ROBO2: variants seen among roughly 807,000 people sequenced by gnomAD.
ROBO2 encodes roundabout guidance receptor 2, also known as roundabout homolog 2.
In ROBO2, 53 loss-of-function variants were observed where a neutral mutation model predicts 160.8. That is an observed-to-expected ratio of 0.33 (90% CI 0.26 to 0.41). ROBO2 has a LOEUF of 0.41. Among genes scored for constraint, ROBO2 ranks in the 10% least tolerant of loss-of-function variants. ROBO2 has a pLI of 1.00. For synonymous variants in ROBO2, 664 were observed against 611.7 expected (o/e 1.09, Z -1.26); for missense variants, 1,577 against 1,722.4 (o/e 0.92, Z 1.49).
At chr3:76,457,976 C>A (rs1390582886) in intron 2 of ROBO2, among the ~76,000 whole-genome samples, 1 of 152,080 alleles carries the variant, frequency 6.6e-6, no homozygotes, top group Non-Finnish European at 1.5e-5. Context: ...ACTTTTTCTT[C>A]CTGGGCCTCC....
intron 2 of ROBO2, among the ~76,000 whole-genome samples, chr3:76,191,698 C>T (rs969829199): frequency 6.6e-5 from 10 of 152,050 alleles, no homozygotes; most frequent in Non-Finnish European, 1.5e-4. Context: ...TTGGATTCTT[C>T]AACAGGATGA....
intron 2 of ROBO2, among the ~76,000 whole-genome samples, chr3:76,051,778 A>G (rs1416276259): frequency 6.6e-6 from 1 of 152,106 alleles, no homozygotes; most frequent in East Asian, 1.9e-4. Flanking sequence ...CTGTGACAAA[A>G]CATGACAAAT....
chr3:76,253,241 T>C (rs973517427), intron 2 of ROBO2, among the ~76,000 whole-genome samples: 2 of 152,048 alleles, frequency 1.3e-5, no homozygotes, highest in African/African-American at 4.8e-5. Flanking sequence ...TCTAATGTAA[T>C]GAATAGTATC....
chr3:76,134,299 A>G (rs1386288006), intron 2 of ROBO2, among the ~76,000 whole-genome samples: 1 of 151,790 alleles, frequency 6.6e-6, no homozygotes, highest in African/African-American at 2.4e-5. Flanking sequence ...TCTGATAACC[A>G]CCGTAAATAC....
At chr3:77,413,033 C>T (rs901720345) in intron 2 of ROBO2, among the ~76,000 whole-genome samples, 1 of 152,042 alleles carries the variant, frequency 6.6e-6, no homozygotes, top group African/African-American at 2.4e-5. Context: ...ATAGCACAAC[C>T]CCCATCTCTA....
At chr3:76,966,358 A>G (rs1347944834) in intron 2 of ROBO2, among the ~76,000 whole-genome samples, 3 of 152,176 alleles carry the variant, frequency 2.0e-5, no homozygotes, top group African/African-American at 7.2e-5. Flanking sequence ...TTTACCTGTT[A>G]TTTCATTTTT....
At chr3:77,396,000 T>C (rs1256664268) in intron 2 of ROBO2, among the ~76,000 whole-genome samples, 1 of 151,962 alleles carries the variant, frequency 6.6e-6, no homozygotes, top group Non-Finnish European at 1.5e-5. Flanking sequence ...CTTAATCTTT[T>C]TGATATCCAA....
chr3:77,545,505 G>T (rs952128912), intron 6 of ROBO2, among the ~76,000 whole-genome samples: 2 of 151,930 alleles, frequency 1.3e-5, no homozygotes, highest in East Asian at 1.9e-4. Context: ...TTCCACTGTG[G>T]TCTGAGATTA....
chr3:77,516,686 G>A (rs529625232), intron 5 of ROBO2, among the ~76,000 whole-genome samples: 1 of 151,522 alleles, frequency 6.6e-6, no homozygotes, highest in Non-Finnish European at 1.5e-5. Context: ...ATAGCTAGTA[G>A]CATTAACGAA....
intron 2 of ROBO2, among the ~76,000 whole-genome samples, chr3:77,301,292 T>C (rs2062636787): frequency 6.6e-6 from 1 of 152,132 alleles, no homozygotes; most frequent in South Asian, 2.1e-4. Context: ...ATATTATTAC[T>C]AATATTATTA....
At chr3:76,330,516 C>T (rs977673855) in intron 2 of ROBO2, among the ~76,000 whole-genome samples, 25 of 152,058 alleles carry the variant, frequency 1.6e-4, no homozygotes, top group Admixed American at 4.6e-4. Flanking sequence ...AGGAATTTTT[C>T]CCCCATTCTG....
chr3:76,148,682 A>G (rs1008486619), intron 2 of ROBO2, among the ~76,000 whole-genome samples: 3 of 151,992 alleles, frequency 2.0e-5, no homozygotes, highest in Admixed American at 2.0e-4. Flanking sequence ...CCTTATTGTA[A>G]TAAGAAAATT....
At chr3:76,062,085 C>A (rs573419544) in intron 2 of ROBO2, among the ~76,000 whole-genome samples, 1 of 152,078 alleles carries the variant, frequency 6.6e-6, no homozygotes, top group Non-Finnish European at 1.5e-5. Flanking sequence ...GGCTAGCAAC[C>A]TTAACTTTCC....
At chr3:77,345,815 T>A (rs1272721408) in intron 2 of ROBO2, among the ~76,000 whole-genome samples, 1 of 152,142 alleles carries the variant, frequency 6.6e-6, no homozygotes, top group African/African-American at 2.4e-5. Context: ...ACTCTTCAAT[T>A]TATTACTGTA....
At chr3:76,215,777 A>C (rs964825721) in intron 2 of ROBO2, among the ~76,000 whole-genome samples, 1 of 152,226 alleles carries the variant, frequency 6.6e-6, no homozygotes, top group East Asian at 1.9e-4. Context: ...CTAGCAAGGC[A>C]GGCCAACATT....
chr3:76,213,953 A>G (rs1043040908), intron 2 of ROBO2, among the ~76,000 whole-genome samples: 1 of 152,154 alleles, frequency 6.6e-6, no homozygotes, highest in Non-Finnish European at 1.5e-5. Flanking sequence ...AGATATACAT[A>G]AGAGGAGATG....
chr3:76,861,992 G>C (rs2070830542), intron 2 of ROBO2, among the ~76,000 whole-genome samples: 1 of 151,982 alleles, frequency 6.6e-6, no homozygotes, highest in African/African-American at 2.4e-5. Flanking sequence ...TTCTGAAATA[G>C]AGACCTCAAG....
rs561451672 is a variant in ROBO2 at position 76,908,092 on chromosome 3, G to A, written c.110-189922G>A. 9.9e-5 allele frequency among the ~76,000 whole-genome samples: 15 copies of A among 152,020 alleles called. No homozygotes were observed. In the South Asian group the frequency reaches 1.9e-3, roughly 19 times the overall value. The stretch of plus-strand genomic sequence containing the variant: ...TGACCTCAAGTGATCTGCCCGCCTC[G>A]GCTTCCCAAAGTGCTAGGATTACAG... On this transcript the variant is annotated intron_variant, in intron 2 of 26. Coordinates refer to the ROBO2 transcript ENST00000487694.
At chr3:76,313,897 G>A (rs191156080) in intron 2 of ROBO2, among the ~76,000 whole-genome samples, 28 of 152,168 alleles carry the variant, frequency 1.8e-4, no homozygotes, top group Non-Finnish European at 3.8e-4. Context: ...ATGGTTATTG[G>A]GGCAGGCTTG....
Sources: allele counts gnomAD v4.1 joint callset (sites outside exome capture counted in the v4.1 genomes callset), GRCh38; gene constraint gnomAD v4.1.1; transcripts MANE v1.5; gene names NCBI Gene and HGNC (gene_info 2026-07-23, HGNC 2026-07-21).